The following TBC1D19 variants were observed in gnomAD, a reference collection of about 807,000 sequenced individuals.
The protein encoded by TBC1D19 is TBC1 domain family, member 19.
A neutral mutation model predicts 89.0 loss-of-function variants in TBC1D19; 60 were observed. That is an observed-to-expected ratio of 0.67 (90% CI 0.55 to 0.84). The LOEUF is 0.84. Among genes scored for constraint, TBC1D19 ranks in the 40% least tolerant of loss-of-function variants. The probability of loss-of-function intolerance (pLI) is 0.00; values close to 1 mark genes in which losing one functional copy is unlikely to be tolerated. For missense variants in TBC1D19, 500 were observed against 610.8 expected (o/e 0.82, Z 1.91); for synonymous variants, 189 against 199.7 (o/e 0.95, Z 0.45).
At chr4:26,721,462 C>T (rs571870555) in intron 15 of TBC1D19, among the ~76,000 whole-genome samples, 2 of 152,084 alleles carry the variant, frequency 1.3e-5, no homozygotes, top group Non-Finnish European at 2.9e-5. Flanking sequence ...CTCTTCCACA[C>T]CATCCCCGCT....
chr4:26,811,519 C>T, the TBC1D19 span, among the ~76,000 whole-genome samples: 1 of 152,136 alleles, frequency 6.6e-6, no homozygotes, highest in South Asian at 2.1e-4. Context: ...GATAGTGTTA[C>T]CAGAAATCGG....
chr4:26,690,093 A>T (rs570210331), intron 13 of TBC1D19, among the ~76,000 whole-genome samples: 1 of 152,186 alleles, frequency 6.6e-6, no homozygotes, highest in Non-Finnish European at 1.5e-5. Flanking sequence ...ATATGGAGAA[A>T]ATTTTAGTAG....
chr4:26,738,105 C>A (rs922316388), intron 16 of TBC1D19, among the ~76,000 whole-genome samples: 3 of 151,502 alleles, frequency 2.0e-5, no homozygotes, highest in African/African-American at 7.2e-5. Context: ...CATGTAGAAT[C>A]TTTTTTACAT....
the TBC1D19 span, among the ~76,000 whole-genome samples, chr4:26,769,416 A>T: frequency 6.6e-6 from 1 of 152,220 alleles, no homozygotes; most frequent in South Asian, 2.1e-4. Context: ...TATTATTTAA[A>T]TCTATTTTAA....
chr4:26,781,263 C>G, the TBC1D19 span, among the ~76,000 whole-genome samples: 2 of 152,100 alleles, frequency 1.3e-5, no homozygotes, highest in African/African-American at 4.8e-5. Flanking sequence ...TTGTTGAGCC[C>G]CTTTAAATCA....
chr4:26,738,235 G>A (rs747314419), intron 16 of TBC1D19, among the ~76,000 whole-genome samples: 6 of 151,088 alleles, frequency 4.0e-5, no homozygotes, highest in South Asian at 2.1e-4. Context: ...TTATGTATTC[G>A]TAGAAACATG....
intron 6 of TBC1D19, among the ~76,000 whole-genome samples, chr4:26,639,320 A>G (rs1215081900): frequency 6.6e-6 from 1 of 152,070 alleles, no homozygotes; most frequent in Non-Finnish European, 1.5e-5. Context: ...AGAGCCTCCC[A>G]AAGTGCTGGG....
At chr4:26,754,089 G>C (rs184538725) in intron 20 of TBC1D19, 199 bp downstream of exon 20, 181 of 533,622 alleles carry the variant, frequency 3.4e-4, no homozygotes, top group Non-Finnish European at 5.6e-4. Context: ...TCTTATGAAG[G>C]AGTAATAAAC....
At chr4:26,831,876 C>T in the TBC1D19 span, among the ~76,000 whole-genome samples, 5 of 152,068 alleles carry the variant, frequency 3.3e-5, no homozygotes, top group Non-Finnish European at 7.4e-5. Flanking sequence ...CAGGCTTGAG[C>T]CACCACACCC....
At chr4:26,590,750 A>G (rs550024111) in intron 1 of TBC1D19, among the ~76,000 whole-genome samples, 2 of 142,292 alleles carry the variant, frequency 1.4e-5, no homozygotes, top group African/African-American at 5.0e-5. Context: ...ATTATTAACT[A>G]AAGTTCATGG....
chr4:26,698,407 G>T (rs1457035614), intron 13 of TBC1D19, among the ~76,000 whole-genome samples: 2 of 152,166 alleles, frequency 1.3e-5, no homozygotes, highest in African/African-American at 4.8e-5. Context: ...TGGATAGGAA[G>T]AATCAAAATC....
At chr4:26,839,240 A>T in the TBC1D19 span, among the ~76,000 whole-genome samples, 1 of 152,144 alleles carries the variant, frequency 6.6e-6, no homozygotes, top group Non-Finnish European at 1.5e-5. Context: ...ATGTCGTCAT[A>T]GGATAAAAAT....
chr4:26,802,601 CA>C, the TBC1D19 span, among the ~76,000 whole-genome samples: 1 of 151,728 alleles, frequency 6.6e-6, no homozygotes, highest in Non-Finnish European at 1.5e-5. Flanking sequence ...GACCCTGTGT[CA>C]AAAACAAACA....
intron 7 of TBC1D19, among the ~76,000 whole-genome samples, chr4:26,643,399 C>T (rs1025968674): frequency 5.3e-5 from 8 of 152,094 alleles, no homozygotes; most frequent in African/African-American, 1.7e-4. Flanking sequence ...GAGAAACATA[C>T]CAGAATCTCT....
chr4:26,717,398 A>G (rs1716695813), intron 13 of TBC1D19, among the ~76,000 whole-genome samples: 1 of 151,918 alleles, frequency 6.6e-6, no homozygotes, highest in East Asian at 1.9e-4. Context: ...ATCTCCACAT[A>G]GAGTTGACAT....
intron 1 of TBC1D19, among the ~76,000 whole-genome samples, chr4:26,592,913 C>T (rs1444081664): frequency 6.6e-6 from 1 of 152,062 alleles, no homozygotes; most frequent in African/African-American, 2.4e-5. Flanking sequence ...GCCATACTGC[C>T]CAAGGTAATT....
At chr4:26,703,982 AAG>A (rs1397014590) in intron 13 of TBC1D19, among the ~76,000 whole-genome samples, 1 of 151,694 alleles carries the variant, frequency 6.6e-6, no homozygotes, top group African/African-American at 2.4e-5. Context: ...AAAAAGAAAA[AAG>A]AAAATCTGGG....
At chr4:26,746,092 A>G (rs1718630830) in intron 18 of TBC1D19, among the ~76,000 whole-genome samples, 3 of 152,282 alleles carry the variant, frequency 2.0e-5, no homozygotes. Flanking sequence ...ATTACTTTAA[A>G]TATTTTTTTC....
At chr4:26,796,720 A>T in the TBC1D19 span, among the ~76,000 whole-genome samples, 1 of 152,162 alleles carries the variant, frequency 6.6e-6, no homozygotes, top group Non-Finnish European at 1.5e-5. Flanking sequence ...ATAAAAGTAA[A>T]CATTTAAAAA....
Sources: allele counts gnomAD v4.1 joint callset (sites outside exome capture counted in the v4.1 genomes callset), GRCh38; gene constraint gnomAD v4.1.1; transcripts MANE v1.5; gene names NCBI Gene and HGNC (gene_info 2026-07-23, HGNC 2026-07-21).